The following SREK1IP1 variants were observed in gnomAD, a reference collection of about 807,000 sequenced individuals.
SREK1IP1 encodes the protein SREK1 interacting protein 1, also known as protein SREK1IP1.
In SREK1IP1, 12 loss-of-function variants were observed where a neutral mutation model predicts 22.8. The ratio of observed to expected loss-of-function variants is 0.53; its 90% confidence interval spans 0.34 to 0.85. The LOEUF (loss-of-function observed/expected upper bound fraction) is 0.85, where lower values mean the gene tolerates loss of function less well. Among genes scored for constraint, SREK1IP1 ranks in the 40% least tolerant of loss-of-function variants. The pLI is 0.02. For synonymous variants in SREK1IP1, 53 were observed against 52.7 expected (o/e 1.01, Z -0.02); for missense variants, 147 against 171.8 (o/e 0.86, Z 0.81).
At chr5:64,727,546 TATATATA>T (rs1291676510) in intron 4 of SREK1IP1, 2 of 127,264 alleles carry the variant, frequency 1.6e-5, no homozygotes, top group South Asian at 2.2e-4. Flanking sequence ...TATATATATA[TATATATA>T]TTTTTTTTTT....
In SREK1IP1 at chr5:64,754,595, C is replaced by T. The variant is rs546602083; in HGVS notation, c.14-233G>A. On this transcript the variant is annotated intron_variant, in intron 1 of 4. Coordinates refer to ENST00000513458, the MANE Select transcript of SREK1IP1 (RefSeq NM_173829.4). ...CCTCCTACCTTAGCCTCCCAAGCAGCTGAGACTACAGGCATGTGCCACCAC... is the reference window on the plus strand; with the variant it reads ...CCTCCTACCTTAGCCTCCCAAGCAGTTGAGACTACAGGCATGTGCCACCAC... 9.2e-6 allele frequency: 4 copies of T among 435,164 alleles called. No individual in the cohort carries two copies. The South Asian group carries it at 1.2e-4, about 13-fold the overall frequency. 27.0% of individuals were successfully genotyped at this position (435,164 alleles called of 1,614,324 possible).
At chr5:64,748,134 G>A (rs930355068) in intron 2 of SREK1IP1, among the ~76,000 whole-genome samples, 3 of 152,078 alleles carry the variant, frequency 2.0e-5, no homozygotes, top group African/African-American at 7.2e-5. Flanking sequence ...ACAAAATGTG[G>A]TATATACATA....
chr5:64,730,587 A>C (rs1248712606), intron 3 of SREK1IP1, among the ~76,000 whole-genome samples: 1 of 149,774 alleles, frequency 6.7e-6, no homozygotes, highest in African/African-American at 2.6e-5. Context: ...AAGAAAAGAA[A>C]GATGGATATA....
chr5:64,724,686 ATAAACT>A, intron 4 of SREK1IP1, 113 bp from the exon 5 acceptor site: 1 of 817,248 alleles, frequency 1.2e-6, no homozygotes, highest in Non-Finnish European at 1.8e-6. Flanking sequence ...GAGTATAAAC[ATAAACT>A]TAAAAAATGC....
chr5:64,730,495 T>C (rs922946702), intron 3 of SREK1IP1, among the ~76,000 whole-genome samples: 3 of 152,248 alleles, frequency 2.0e-5, no homozygotes, highest in African/African-American at 7.2e-5. Context: ...AGGAATAAAA[T>C]TCTTGAAGAA....
intron 4 of SREK1IP1, chr5:64,727,553 A>ATTTTTT (rs1186653493): frequency 1.2e-5 from 1 of 84,678 alleles, no homozygotes; most frequent in African/African-American, 5.5e-5. Context: ...ATATATATAT[A>ATTTTTT]TTTTTTTTTT....
rs534631851 is a variant in SREK1IP1 at position 64,723,325 on chromosome 5, C to A, written c.*1059G>T. The A allele has an allele frequency of 5.3e-5, 8 of 152,092 alleles. No homozygotes were observed. The South Asian group carries it at 1.7e-3, about 32-fold the overall frequency. The allele number at this position is 152,092 out of a possible 1,614,324, so 9.4% of individuals were successfully genotyped here. On this transcript the variant is annotated 3_prime_UTR_variant, in exon 5 of 5. Transcript: ENST00000513458. ...TTGACACTTTTTACTCTTGAGTTTG[C>A]CACTAAAGTAAAAGAGAGAAACATC... is the stretch of plus-strand genomic sequence containing the variant.
intron 3 of SREK1IP1, among the ~76,000 whole-genome samples, chr5:64,738,767 T>C (rs1458683158): frequency 2.0e-5 from 3 of 152,134 alleles, no homozygotes; most frequent in African/African-American, 7.2e-5. Context: ...GTCAAGTGTA[T>C]ATCCACATAC....
At chr5:64,746,370 C>T (rs1384664352) in intron 2 of SREK1IP1, among the ~76,000 whole-genome samples, 2 of 152,002 alleles carry the variant, frequency 1.3e-5, no homozygotes, top group East Asian at 1.9e-4. Context: ...ATAAAATGGT[C>T]GTCAGAATTA....
intron 4 of SREK1IP1, 28 bp downstream of exon 4, chr5:64,728,079 G>GT: frequency 7.6e-7 from 1 of 1,311,734 alleles, no homozygotes; most frequent in South Asian, 1.9e-5. Flanking sequence ...GGCCTGCTTT[G>GT]TTTTTTAAAA....
In SREK1IP1 at chr5:64,721,919, C is replaced by T. The variant is rs1036622856; in HGVS notation, c.*2465G>A. ...ATAATCTGGTACAATATTTTATAGA[C>T]GAAAGACACCAAGGCCCAGGGAAAC... On this transcript the variant is annotated 3_prime_UTR_variant, in exon 5 of 5. Transcript: ENST00000513458. The T allele has an allele frequency of 4.6e-5, 7 of 151,964 alleles. No individual in the cohort carries two copies. The highest frequency in any genetic ancestry group is 1.9e-4 in the East Asian group (1 of 5,160). The allele number at this position is 151,964 out of a possible 1,614,324, so 9.4% of individuals were successfully genotyped here.
intron 3 of SREK1IP1, among the ~76,000 whole-genome samples, chr5:64,740,120 T>TTA (rs1742528577): frequency 6.6e-6 from 1 of 152,086 alleles, no homozygotes; most frequent in African/African-American, 2.4e-5. Context: ...ATGAGCTATT[T>TTA]TATACACAAC....
intron 2 of SREK1IP1, among the ~76,000 whole-genome samples, chr5:64,745,614 A>G (rs903694225): frequency 9.2e-5 from 14 of 152,086 alleles, no homozygotes; most frequent in African/African-American, 3.4e-4. Flanking sequence ...CTGATGCTCA[A>G]TCTTTACAGT....
At chr5:64,725,853 G>GT (rs1742253906) in intron 4 of SREK1IP1, among the ~76,000 whole-genome samples, 1 of 112,924 alleles carries the variant, frequency 8.9e-6, no homozygotes, top group Non-Finnish European at 1.8e-5. Context: ...TTTTTTTTTT[G>GT]TTTGTTTCTT....
In SREK1IP1 at chr5:64,721,556, T is replaced by C. The variant is rs1192754834; in HGVS notation, c.*2828A>G. 1 of 150,704 alleles carries C rather than the reference T, an allele frequency of 6.6e-6. No individual in the cohort carries two copies. The highest frequency in any genetic ancestry group is 1.5e-5 in the Non-Finnish European group (1 of 67,838). 9.3% of individuals were successfully genotyped at this position (150,704 alleles called of 1,614,324 possible). ...GAAATAGGGATACCTCTGAGAAATA[T>C]CAACCAACATATGATATGCAAAAAA... On this transcript the variant is annotated 3_prime_UTR_variant, in exon 5 of 5. Coordinates refer to ENST00000513458, the MANE Select transcript of SREK1IP1 (RefSeq NM_173829.4).
At chr5:64,740,959 A>C in intron 3 of SREK1IP1, 98 bp downstream of exon 3, 1 of 1,124,598 alleles carries the variant, frequency 8.9e-7, no homozygotes, top group Non-Finnish European at 1.3e-6. Flanking sequence ...TCTTACATAA[A>C]CTATAAAAGA....
Position 64,741,064 on chromosome 5 carries a change from C to T in SREK1IP1, c.198G>A (p.Gln66=), listed in dbSNP as rs367664354. 3.1e-6 allele frequency: 5 copies of T among 1,608,098 alleles called. No individual in the cohort carries two copies. The highest frequency in any genetic ancestry group is 1.7e-5 in the Admixed American group (1 of 58,860). ...NEELNKLQAL[Q]EKRINEEEEK... is the part of the protein sequence containing the mutation. ...GAAAAAAATATTGCTTACTTTTTTC[C>T]TGTAATGCCTGCAATTTATTCAGTT... is the stretch of plus-strand genomic sequence containing the variant. The change falls in exon 3 of 5, where the codon CAG becomes CAA. Residue 66 remains glutamine (Q), a synonymous_variant. Transcript: ENST00000513458.
chr5:64,757,751 C>A (rs1039275435), intron 1 of SREK1IP1, among the ~76,000 whole-genome samples: 1 of 151,752 alleles, frequency 6.6e-6, no homozygotes, highest in East Asian at 1.9e-4. Context: ...ACTTGCACAG[C>A]AAACTCCAGG....
chr5:64,729,505 C>A (rs753555313), intron 3 of SREK1IP1, among the ~76,000 whole-genome samples: 2 of 152,044 alleles, frequency 1.3e-5, no homozygotes, highest in African/African-American at 4.8e-5. Flanking sequence ...TGTAGAATAC[C>A]ATGAAATGAG....
Sources: allele counts gnomAD v4.1 joint callset (sites outside exome capture counted in the v4.1 genomes callset), GRCh38; gene constraint gnomAD v4.1.1; transcripts MANE v1.5; gene names NCBI Gene and HGNC (gene_info 2026-07-23, HGNC 2026-07-21).